The following MED12L variants were observed in gnomAD, a reference collection of about 807,000 sequenced individuals.
MED12L encodes the protein mediator complex subunit 12L.
A neutral mutation model predicts 281.3 loss-of-function variants in MED12L; 60 were observed. That is an observed-to-expected ratio of 0.21 (90% CI 0.17 to 0.26). The LOEUF is 0.26. Ranked by LOEUF, MED12L falls within the 10% of genes least tolerant of loss-of-function variation. The pLI is 1.00. For synonymous variants in MED12L, 974 were observed against 987.2 expected, an observed-to-expected ratio of 0.99 and a Z score of 0.25; for missense variants, 2,146 against 2,680.9, an observed-to-expected ratio of 0.80 and a Z score of 4.41.
At chr3:151,351,156 T>G (rs368615967) in intron 17 of MED12L, among the ~76,000 whole-genome samples, 10 of 152,174 alleles carry the variant, frequency 6.6e-5, no homozygotes, top group African/African-American at 2.4e-4. Flanking sequence ...TTCCTAGACT[T>G]TAGCAGGATA....
rs80187285 is a variant in MED12L, at chr3:151,198,652, C to T, written c.2250+4986C>T. On this transcript the variant is annotated intron_variant, in intron 16 of 44. Transcript: ENST00000687756. ...TGACTTCTGTCTGGCTGAGGGTATA[C>T]GGGATTCGGACAATGTGGTAAGGAA... is the stretch of plus-strand genomic sequence containing the variant. The T allele has an allele frequency of 1.4e-3, 2,239 of 1,613,936 alleles. 2 individuals carry two copies. Among genetic ancestry groups the T allele is most frequent in the Non-Finnish European group, 1.7e-3 (2,051 of 1,179,896 alleles).
chr3:151,347,821 C>T (rs902331500), intron 16 of MED12L, among the ~76,000 whole-genome samples: 3 of 152,142 alleles, frequency 2.0e-5, no homozygotes, highest in Admixed American at 6.5e-5. Context: ...CGATGTTACC[C>T]CATTTTTCAG....
chr3:151,292,274 C>T (rs941166072), intron 16 of MED12L, among the ~76,000 whole-genome samples: 3 of 145,658 alleles, frequency 2.1e-5, no homozygotes, highest in East Asian at 2.0e-4. Context: ...ATTTTCCCAG[C>T]AATAATATTG....
At chr3:151,353,969 G>GTCTC (rs1161052872) in intron 17 of MED12L, among the ~76,000 whole-genome samples, 1 of 149,508 alleles carries the variant, frequency 6.7e-6, no homozygotes, top group Non-Finnish European at 1.5e-5. Context: ...GTGAAACCCC[G>GTCTC]TCTCTACTAA....
chr3:151,260,353 T>G (rs1738630245), intron 16 of MED12L, among the ~76,000 whole-genome samples: 1 of 152,088 alleles, frequency 6.6e-6, no homozygotes, highest in African/African-American at 2.4e-5. Context: ...CAGTTTTTGT[T>G]GTTGTTTGTT....
chr3:151,332,743 TTTTTTAAC>T (rs1219867036), intron 16 of MED12L, among the ~76,000 whole-genome samples: 1 of 152,318 alleles, frequency 6.6e-6, no homozygotes, highest in Admixed American at 6.5e-5. Flanking sequence ...ACGTGATTTT[TTTTTTAAC>T]TTTATTTTAG....
intron 2 of MED12L, among the ~76,000 whole-genome samples, chr3:151,093,502 T>G (rs1391793574): frequency 6.6e-6 from 1 of 152,242 alleles, no homozygotes; most frequent in South Asian, 2.1e-4. Flanking sequence ...TATTCCTACC[T>G]GCTGCCCTTG....
At chr3:151,174,649 T>G (rs2149025501) in intron 11 of MED12L, among the ~76,000 whole-genome samples, 1 of 152,362 alleles carries the variant, frequency 6.6e-6, no homozygotes, top group South Asian at 2.1e-4. Context: ...CCTTTCTCAG[T>G]CAGAAATCAG....
intron 2 of MED12L, 96 bp downstream of exon 2, chr3:151,087,121 T>G (rs7653870): frequency 0.41 from 414,296 of 1,002,890 alleles, 92,040 homozygotes; most frequent in African/African-American, 0.8. Context: ...GGCGCTGCGG[T>G]GGAAGAGGTC....
Position 151,435,629 on chromosome 3 carries a change from T to TAAGTAAGTA in MED12L, c.*2830_*2831insAGTAAAGTA, listed in dbSNP as rs914954121. On this transcript the variant is annotated 3_prime_UTR_variant, in exon 45 of 45. Transcript: ENST00000687756. The stretch of plus-strand genomic sequence containing the variant: ...TTATAAAGCTCCTATAATTCTTAAG[T>TAAGTAAGTA]AAGTACTAGGTGAATGTTTGAATAG... 2 of 115,662 alleles carry TAAGTAAGTA rather than the reference T, an allele frequency of 1.7e-5. No individual in the cohort carries two copies. The highest frequency in any genetic ancestry group is 1.9e-4 in the Admixed American group (2 of 10,334). The allele number at this position is 115,662 out of a possible 1,614,324, so 7.2% of individuals were successfully genotyped here. A position where few individuals can be genotyped will look rare whatever the true frequency, so the allele number is the denominator to read the frequency against.
At chr3:151,131,549 G>GCA (rs2148819189) in intron 5 of MED12L, among the ~76,000 whole-genome samples, 1 of 152,322 alleles carries the variant, frequency 6.6e-6, no homozygotes, top group African/African-American at 2.4e-5. Flanking sequence ...TGAGGCTGCA[G>GCA]TGAGCTGGGA....
intron 3 of MED12L, among the ~76,000 whole-genome samples, chr3:151,122,050 G>T (rs1713841793): frequency 6.6e-6 from 1 of 152,008 alleles, no homozygotes; most frequent in African/African-American, 2.4e-5. Flanking sequence ...TTTGTTCTTT[G>T]CCTTCTTGTT....
intron 23 of MED12L, among the ~76,000 whole-genome samples, chr3:151,367,430 C>A (rs1466548920): frequency 1.3e-5 from 2 of 152,092 alleles, no homozygotes; most frequent in Non-Finnish European, 2.9e-5. Flanking sequence ...TCAGTATTTT[C>A]TTACAGCATT....
At chr3:151,403,489 T>C (rs1379744758) in intron 39 of MED12L, among the ~76,000 whole-genome samples, 1 of 152,246 alleles carries the variant, frequency 6.6e-6, no homozygotes, top group Non-Finnish European at 1.5e-5. Context: ...TCACTGGCTA[T>C]TCCCAAAATC....
intron 16 of MED12L, among the ~76,000 whole-genome samples, chr3:151,219,367 A>G (rs962418382): frequency 1.3e-5 from 2 of 152,212 alleles, no homozygotes; most frequent in African/African-American, 4.8e-5. Context: ...TTCATTACTC[A>G]TCTGTGTAAT....
intron 5 of MED12L, among the ~76,000 whole-genome samples, chr3:151,132,737 G>A (rs1715579005): frequency 6.6e-6 from 1 of 152,140 alleles, no homozygotes; most frequent in African/African-American, 2.4e-5. Flanking sequence ...TATATGAAAA[G>A]AGCATGTTTT....
At chr3:151,335,616 A>G (rs1560042351) in intron 16 of MED12L, among the ~76,000 whole-genome samples, 2 of 152,174 alleles carry the variant, frequency 1.3e-5, no homozygotes, top group Non-Finnish European at 2.9e-5. Flanking sequence ...TCATTTAAAA[A>G]AGTAAAACTC....
At chr3:151,253,016 C>T (rs1024568628) in intron 16 of MED12L, among the ~76,000 whole-genome samples, 2 of 152,042 alleles carry the variant, frequency 1.3e-5, no homozygotes, top group African/African-American at 4.8e-5. Flanking sequence ...TATTACATGT[C>T]GTGAGCTAAA....
chr3:151,385,208 T>G lies in MED12L; in HGVS notation c.5088+17T>G. On this transcript the variant is annotated intron_variant, in intron 36 of 44. Coordinates refer to ENST00000687756, the MANE Select transcript of MED12L (RefSeq NM_001393769.1). ...AAAAAACAGGCAAGAGTGAATGTTTTTTCTTATATATAAATTTATTTACAA... is the reference window on the plus strand; with the variant it reads ...AAAAAACAGGCAAGAGTGAATGTTTGTTCTTATATATAAATTTATTTACAA... 8.6e-7 allele frequency: 1 copy of G among 1,158,836 alleles called. No individual in the cohort carries two copies. The highest frequency in any genetic ancestry group is 1.2e-6 in the Non-Finnish European group (1 of 805,178). The allele number at this position is 1,158,836 out of a possible 1,614,324, so 71.8% of individuals were successfully genotyped here. A position where few individuals can be genotyped will look rare whatever the true frequency, so the allele number is the denominator to read the frequency against.
Sources: gnomAD v4.1 joint callset for allele counts (sites outside exome capture counted in the v4.1 genomes callset) on GRCh38, gnomAD v4.1.1 for gene constraint, MANE v1.5 for transcripts, NCBI Gene and HGNC (gene_info 2026-07-23, HGNC 2026-07-21) for gene names.